The following PRPF4 variants were observed in gnomAD, a reference collection of about 807,000 sequenced individuals.
PRPF4 encodes the protein U4/U6 small nuclear ribonucleoprotein Prp4.
PRPF4 carries 14 observed loss-of-function variants against 72.2 expected under a neutral mutation model. That is an observed-to-expected ratio of 0.19 (90% CI 0.13 to 0.30). The LOEUF (loss-of-function observed/expected upper bound fraction) is 0.30. PRPF4 is among the 10% of genes least tolerant of loss of function. The pLI is 1.00. For missense variants in PRPF4, 478 were observed against 653.9 expected, an observed-to-expected ratio of 0.73 and a Z score of 2.93; for synonymous variants, 225 against 232.2, an observed-to-expected ratio of 0.97 and a Z score of 0.28.
chr9:113,286,020 T>C (rs756390456), intron 7 of PRPF4, among the ~76,000 whole-genome samples: 5 of 152,212 alleles, frequency 3.3e-5, no homozygotes, highest in Non-Finnish European at 5.9e-5. Flanking sequence ...TGGTGTAGTG[T>C]TAATTATAGT....
At chr9:113,289,673 G>A (rs1288618072) in intron 10 of PRPF4, among the ~76,000 whole-genome samples, 1 of 152,106 alleles carries the variant, frequency 6.6e-6, no homozygotes, top group Admixed American at 6.5e-5. Context: ...GTATTGAAGA[G>A]ACTTTCCTTT....
intron 7 of PRPF4, among the ~76,000 whole-genome samples, chr9:113,285,192 A>C (rs17831500): frequency 0.15 from 23,052 of 151,242 alleles, 2,290 homozygotes; most frequent in Non-Finnish European, 0.22. Context: ...AAATTTCCAA[A>C]ATAAGAAGTC....
intron 10 of PRPF4, 124 bp downstream of exon 10, chr9:113,288,388 G>T: frequency 1.2e-6 from 1 of 853,076 alleles, no homozygotes; most frequent in Non-Finnish European, 1.8e-6. Flanking sequence ...GGGCTGCAGG[G>T]AATTGGAATC....
At chr9:113,291,285 A>T (rs1175942750) in intron 13 of PRPF4, among the ~76,000 whole-genome samples, 182 bp from the exon 14 acceptor site, 1 of 152,136 alleles carries the variant, frequency 6.6e-6, no homozygotes. Context: ...TGAGTCCTTA[A>T]TATTATTCTG....
At position 113,292,817 on chromosome 9, in the gene PRPF4, C is replaced by G. The variant is rs1029685318; in HGVS notation, c.*1157C>G. 1 of 152,176 alleles carries G rather than the reference C, an allele frequency of 6.6e-6. No homozygotes were observed. Among genetic ancestry groups the G allele is most frequent in the Admixed American group, 6.5e-5 (1 of 15,276 alleles). 9.4% of individuals were successfully genotyped at this position (152,176 alleles called of 1,614,324 possible). A position where few individuals can be genotyped will look rare whatever the true frequency, so the allele number is the denominator to read the frequency against. On this transcript the variant is annotated 3_prime_UTR_variant, in exon 14 of 14. Coordinates refer to ENST00000374198, the MANE Select transcript of PRPF4 (RefSeq NM_001244926.2). The stretch of plus-strand genomic sequence containing the variant: ...GGGTGTTCCTAAACCTAAACCTTTT[C>G]TTTATTCCACATTTGCTACGGTAAA...
chr9:113,285,234 G>A (rs1167124079), intron 7 of PRPF4, among the ~76,000 whole-genome samples: 1 of 151,542 alleles, frequency 6.6e-6, no homozygotes, highest in African/African-American at 2.4e-5. Context: ...CAGCCATGGT[G>A]GCTCACACTT....
intron 1 of PRPF4, 108 bp downstream of exon 1, chr9:113,275,878 G>A (rs1832076007): frequency 1.4e-6 from 2 of 1,460,208 alleles, no homozygotes; most frequent in Non-Finnish European, 9.3e-7. Flanking sequence ...GGAGGGCTGA[G>A]GAGGAAGGCT....
Position 113,275,708 on chromosome 9 carries a change from G to A in PRPF4, c.-36G>A, listed in dbSNP as rs1168739188. On this transcript the variant is annotated 5_prime_UTR_variant, in exon 1 of 14. Transcript: ENST00000374198. ...GTGGACGGTCTGAAAGGGAGTGTTC[G>A]GGTTTCGCTGGGGCCTCGCGGCTCC... The A allele has an allele frequency of 1.2e-5, 19 of 1,605,824 alleles. No homozygotes were observed. In the East Asian group the frequency reaches 2.5e-4, roughly 21 times the overall value.
chr9:113,282,799 C>A, intron 4 of PRPF4, 66 bp downstream of exon 4: 1 of 1,332,230 alleles, frequency 7.5e-7, no homozygotes, highest in South Asian at 1.3e-5. Flanking sequence ...CTCTCGTTTT[C>A]TGCTTTCAAT....
chr9:113,284,718 A>C (rs558475802), intron 7 of PRPF4, among the ~76,000 whole-genome samples: 1 of 152,222 alleles, frequency 6.6e-6, no homozygotes, highest in African/African-American at 2.4e-5. Context: ...TTTTTCAGTT[A>C]TGTGACCTCG....
chr9:113,286,849 G>A (rs765971138), intron 9 of PRPF4, 21 bp downstream of exon 9: 3 of 1,613,886 alleles, frequency 1.9e-6, no homozygotes, highest in Admixed American at 1.7e-5. Flanking sequence ...CTGTTCTGTG[G>A]CCCATACTGC....
chr9:113,286,915 GCATTTAGGC>G, intron 9 of PRPF4, 87 bp downstream of exon 9: 1 of 1,595,962 alleles, frequency 6.3e-7, no homozygotes, highest in Non-Finnish European at 8.6e-7. Flanking sequence ...TAAAAATCTG[GCATTTAGGC>G]CATGCGCAGT....
At position 113,275,661 on chromosome 9, in the gene PRPF4, C is replaced by G; in HGVS notation, c.-83C>G. On this transcript the variant is annotated 5_prime_UTR_variant, in exon 1 of 14. Coordinates refer to ENST00000374198, the MANE Select transcript of PRPF4 (RefSeq NM_001244926.2). ...TGACGCACTTCCTGTCAGTGACGCA[C>G]TTCCCCTCTGCTGGGCGCGCGGTGG... The G allele has an allele frequency of 6.6e-7, 1 of 1,511,306 alleles. No individual in the cohort carries two copies. The highest frequency in any genetic ancestry group is 1.4e-5 in the African/African-American group (1 of 72,208). 93.6% of individuals were successfully genotyped at this position (1,511,306 alleles called of 1,614,324 possible).
Position 113,291,832 on chromosome 9 carries a change from C to A in PRPF4, c.*172C>A. ...CCCCACTCCAGGAAGGCAGCCCAAT[C>A]CCTAGGTGATGGGGAACCCCTCTCA... On this transcript the variant is annotated 3_prime_UTR_variant, in exon 14 of 14. Coordinates refer to ENST00000374198, the MANE Select transcript of PRPF4 (RefSeq NM_001244926.2). 3.1e-6 allele frequency: 2 copies of A among 645,736 alleles called. No individual in the cohort carries two copies. Among genetic ancestry groups the A allele is most frequent in the Non-Finnish European group, 5.1e-6 (2 of 390,296 alleles). 40.0% of individuals were successfully genotyped at this position (645,736 alleles called of 1,614,324 possible).
chr9:113,276,708 ATAT>A lies in PRPF4; in HGVS notation c.191_193del (p.Ile64del). 6.2e-7 allele frequency: 1 copy of A among 1,613,126 alleles called. No individual in the cohort carries two copies. The highest frequency in any genetic ancestry group is 8.5e-7 in the Non-Finnish European group (1 of 1,179,558). The stretch of plus-strand genomic sequence containing the variant: ...CTTAAAGCAGGGATCGAAGCTGGAA[ATAT>A]TAATATAACCTCTGGTAAGATGCAA... On this transcript the variant is annotated inframe_deletion, in exon 2 of 14. Transcript: ENST00000374198.
intron 8 of PRPF4, 83 bp from the exon 9 acceptor site, chr9:113,286,622 G>T: frequency 1.3e-6 from 2 of 1,509,844 alleles, no homozygotes; most frequent in East Asian, 2.3e-5. Context: ...TGAATACTCT[G>T]TATGTCCACA....
At chr9:113,284,516 C>A in intron 7 of PRPF4, 127 bp downstream of exon 7, 1 of 769,534 alleles carries the variant, frequency 1.3e-6, no homozygotes, top group Non-Finnish European at 2.2e-6. Context: ...CACCAAACTA[C>A]AGATGTCAGT....
Position 113,286,265 on chromosome 9 carries a change from T to C in PRPF4, c.783T>C (p.Asp261=). The C allele has an allele frequency of 6.2e-7, 1 of 1,613,662 alleles. No individual in the cohort carries two copies. Among genetic ancestry groups the C allele is most frequent in the Non-Finnish European group, 8.5e-7 (1 of 1,179,528 alleles). Residue 261 remains aspartate, a synonymous_variant, in exon 8 of 14, where the codon GAT becomes GAC. Transcript: ENST00000374198. ...SGLCKLWSVP[D]CNLLHTLRGH... ...TTTGCAAGCTCTGGTCTGTTCCTGATTGCAACCTCCTTCACACTCTTCGAG... is the reference window on the plus strand; with the variant it reads ...TTTGCAAGCTCTGGTCTGTTCCTGACTGCAACCTCCTTCACACTCTTCGAG...
Position 113,290,629 on chromosome 9 carries a change from T to G in PRPF4, c.1145+41T>G, listed in dbSNP as rs368997284. 7.5e-5 allele frequency: 121 copies of G among 1,614,122 alleles called. No homozygotes were observed. The African/African-American group carries it at 1.5e-3, about 19-fold the overall frequency. On this transcript the variant is annotated intron_variant, in intron 11 of 13. Coordinates refer to ENST00000374198, the MANE Select transcript of PRPF4 (RefSeq NM_001244926.2). ...TGTAGTCAGGGGCAGTTCAGTACTCTCACCTCTTACCTATACCTGCTTCCA... is the reference window on the plus strand; with the variant it reads ...TGTAGTCAGGGGCAGTTCAGTACTCGCACCTCTTACCTATACCTGCTTCCA...
Sources: allele counts gnomAD v4.1 joint callset (sites outside exome capture counted in the v4.1 genomes callset), GRCh38; gene constraint gnomAD v4.1.1; transcripts MANE v1.5; gene names NCBI Gene and HGNC (gene_info 2026-07-23, HGNC 2026-07-21).